LIN52: variants seen among roughly 807,000 people sequenced by gnomAD.
The protein encoded by LIN52 is lin-52 DREAM MuvB core complex component, also known as protein lin-52 homolog.
In LIN52, 4 loss-of-function variants were observed where a neutral mutation model predicts 18.5. The observed-to-expected ratio is 0.22, with a 90% confidence interval of 0.11 to 0.49. LIN52 has a LOEUF of 0.49. LIN52 is among the 20% of genes least tolerant of loss of function. The probability of loss-of-function intolerance (pLI) is 0.97; values close to 1 mark genes in which losing one functional copy is unlikely to be tolerated. For missense variants in LIN52, 102 were observed against 139.5 expected, an observed-to-expected ratio of 0.73 and a Z score of 1.35; for synonymous variants, 34 against 45.5, an observed-to-expected ratio of 0.75 and a Z score of 1.02.
intron 2 of LIN52, among the ~76,000 whole-genome samples, chr14:74,094,916 C>A (rs776037782): frequency 1.3e-5 from 2 of 151,650 alleles, no homozygotes; most frequent in Non-Finnish European, 2.9e-5. Context: ...TTAGTAGAGA[C>A]GGGGTTTCAC....
At position 74,200,512 on chromosome 14, in the gene LIN52, G is replaced by A. The variant is rs1360122291; in HGVS notation, c.*1535G>A. 1 of 150,664 alleles carries A rather than the reference G, an allele frequency of 6.6e-6. No homozygotes were observed. The highest frequency in any genetic ancestry group is 1.5e-5 in the Non-Finnish European group (1 of 67,806). The allele number at this position is 150,664 out of a possible 1,614,324, so 9.3% of individuals were successfully genotyped here. On this transcript the variant is annotated 3_prime_UTR_variant, in exon 6 of 6. Transcript: ENST00000555028. ...AAAGTTATGGTTTTGAGTCGTGAGT[G>A]TTTGCTAGGGCATGGCACTCTTCAG...
intron 5 of LIN52, among the ~76,000 whole-genome samples, chr14:74,116,710 A>C (rs2060966611): frequency 7.0e-6 from 1 of 143,010 alleles, no homozygotes; most frequent in South Asian, 2.2e-4. Flanking sequence ...CTATGTCTCT[A>C]AAAAAAAAAA....
intron 5 of LIN52, among the ~76,000 whole-genome samples, chr14:74,142,840 CTTATG>C (rs768102617): frequency 1.1e-4 from 16 of 144,588 alleles, no homozygotes; most frequent in Admixed American, 3.4e-4. Flanking sequence ...CCCATTCATA[CTTATG>C]TTATGTTAGG....
At chr14:74,102,221 C>T (rs200403636) in intron 5 of LIN52, among the ~76,000 whole-genome samples, 13 of 152,006 alleles carry the variant, frequency 8.6e-5, no homozygotes, top group Non-Finnish European at 1.3e-4. Flanking sequence ...CCAGCCTGGG[C>T]GACAGAGTAA....
chr14:74,126,449 ACTATT>A (rs1298012459), intron 5 of LIN52, among the ~76,000 whole-genome samples: 2 of 152,366 alleles, frequency 1.3e-5, no homozygotes, highest in East Asian at 3.9e-4. Flanking sequence ...TCACATCAGT[ACTATT>A]CACAAGAGCC....
chr14:74,190,623 C>T (rs1365492920), intron 5 of LIN52, among the ~76,000 whole-genome samples: 1 of 152,022 alleles, frequency 6.6e-6, no homozygotes, highest in Non-Finnish European at 1.5e-5. Flanking sequence ...AACTCCTGAC[C>T]TCAAGTGATC....
At chr14:74,179,655 CAA>C (rs66652238) in intron 5 of LIN52, among the ~76,000 whole-genome samples, 2,133 of 120,328 alleles carry the variant, frequency 0.018, 68 homozygotes, top group African/African-American at 0.063. Flanking sequence ...GACTCCATCT[CAA>C]AAAAAAAAAA....
intron 5 of LIN52, among the ~76,000 whole-genome samples, chr14:74,155,755 C>T (rs950116591): frequency 3.3e-5 from 5 of 152,206 alleles, no homozygotes; most frequent in Admixed American, 6.5e-5. Flanking sequence ...GCTAGGCTAG[C>T]TTGTGGGGTT....
intron 5 of LIN52, among the ~76,000 whole-genome samples, chr14:74,191,091 A>C (rs951211071): frequency 1.3e-5 from 2 of 152,254 alleles, no homozygotes; most frequent in African/African-American, 4.8e-5. Context: ...TCAGTCTGGC[A>C]GACTGCCCTG....
chr14:74,173,307 C>A (rs1394961547), intron 5 of LIN52, among the ~76,000 whole-genome samples: 3 of 152,174 alleles, frequency 2.0e-5, no homozygotes, highest in African/African-American at 7.2e-5. Context: ...CCTGCCTCAG[C>A]CCCCTGAATA....
intron 4 of LIN52, among the ~76,000 whole-genome samples, chr14:74,099,591 T>TGTGTGTGC (rs932313775): frequency 2.0e-5 from 3 of 151,752 alleles, no homozygotes; most frequent in African/African-American, 7.3e-5. Context: ...TGTCTTTGTG[T>TGTGTGTGC]GTGTGTGTGT....
intron 4 of LIN52, among the ~76,000 whole-genome samples, chr14:74,098,715 T>A (rs1566845894): frequency 6.6e-6 from 1 of 151,970 alleles, no homozygotes; most frequent in South Asian, 2.1e-4. Flanking sequence ...GTCCAGCTAA[T>A]TTTTGTAGTT....
intron 5 of LIN52, among the ~76,000 whole-genome samples, chr14:74,108,425 ACT>A (rs1273827498): frequency 1.3e-5 from 2 of 152,020 alleles, no homozygotes; most frequent in African/African-American, 4.8e-5. Flanking sequence ...TCATGTGGTA[ACT>A]CTATATCTGA....
At chr14:74,095,868 G>GT in intron 2 of LIN52, 80 bp from the exon 3 acceptor site, 5 of 845,048 alleles carry the variant, frequency 5.9e-6, no homozygotes, top group Non-Finnish European at 7.5e-6. Flanking sequence ...AACAGACAAA[G>GT]CTGTTTTCTT....
At chr14:74,133,326 A>G (rs191379405) in intron 5 of LIN52, among the ~76,000 whole-genome samples, 2 of 152,290 alleles carry the variant, frequency 1.3e-5, no homozygotes, top group Admixed American at 1.3e-4. Flanking sequence ...TTCCTATACT[A>G]TTTTGTTAAA....
intron 5 of LIN52, among the ~76,000 whole-genome samples, chr14:74,144,041 G>C (rs1250431540): frequency 6.6e-6 from 1 of 150,708 alleles, no homozygotes; most frequent in African/African-American, 2.4e-5. Context: ...GGCAGTATTT[G>C]TCTTTCTGTG....
At chr14:74,157,101 C>G (rs958696646) in intron 5 of LIN52, among the ~76,000 whole-genome samples, 2 of 147,682 alleles carry the variant, frequency 1.4e-5, no homozygotes, top group Non-Finnish European at 3.0e-5. Context: ...GTTGCCATCT[C>G]GGCTCACTGC....
intron 5 of LIN52, among the ~76,000 whole-genome samples, chr14:74,197,304 G>A (rs1404284088): frequency 2.6e-5 from 4 of 152,138 alleles, no homozygotes; most frequent in East Asian, 1.9e-4. Context: ...AAGAATCTTC[G>A]CAGTGCAGCA....
chr14:74,089,022 C>G (rs141445114), intron 1 of LIN52, among the ~76,000 whole-genome samples: 1 of 152,064 alleles, frequency 6.6e-6, no homozygotes, highest in South Asian at 2.1e-4. Context: ...AACTGATTGA[C>G]GTTTAAAAAA....
Sources: allele counts gnomAD v4.1 joint callset (sites outside exome capture counted in the v4.1 genomes callset), GRCh38; gene constraint gnomAD v4.1.1; transcripts MANE v1.5; gene names NCBI Gene and HGNC (gene_info 2026-07-23, HGNC 2026-07-21).